MED13L: variants seen among roughly 807,000 people sequenced by gnomAD.
MED13L encodes the protein mediator complex subunit 13L, also known as mediator of RNA polymerase II transcription subunit 13-like.
MED13L carries 7 observed loss-of-function variants against 220.9 expected under a neutral mutation model. The ratio of observed to expected loss-of-function variants is 0.03; its 90% CI spans 0.02 to 0.06. MED13L has a LOEUF of 0.06. Ranked by LOEUF, MED13L falls within the 10% of genes least tolerant of loss-of-function variation. The pLI is 1.00. For synonymous variants in MED13L, 1,011 were observed against 1,015.2 expected (o/e 1.00, Z 0.08); for missense variants, 1,965 against 2,760.5 (o/e 0.71, Z 6.46).
chr12:116,208,592 T>C (rs1268870255), intron 2 of MED13L, among the ~76,000 whole-genome samples: 1 of 152,212 alleles, frequency 6.6e-6, no homozygotes, highest in Non-Finnish European at 1.5e-5. Context: ...ACACCTGTCA[T>C]TTCAATAACT....
chr12:116,025,779 G>A (rs1880350797), intron 4 of MED13L, among the ~76,000 whole-genome samples: 1 of 152,126 alleles, frequency 6.6e-6, no homozygotes, highest in South Asian at 2.1e-4. Context: ...GAAACAATAA[G>A]TTCTAGTATT....
At chr12:116,064,815 A>C (rs1869789791) in intron 4 of MED13L, among the ~76,000 whole-genome samples, 1 of 152,154 alleles carries the variant, frequency 6.6e-6, no homozygotes. Flanking sequence ...CCCAATCTCC[A>C]CATTGTAGAG....
At chr12:116,270,092 G>A (rs1241040464) in intron 1 of MED13L, among the ~76,000 whole-genome samples, 1 of 151,536 alleles carries the variant, frequency 6.6e-6, no homozygotes, top group Non-Finnish European at 1.5e-5. Context: ...GTTCCTAAAG[G>A]AGGATTATTA....
intron 2 of MED13L, among the ~76,000 whole-genome samples, chr12:116,195,040 C>T (rs1310306911): frequency 5.3e-5 from 8 of 152,078 alleles, no homozygotes; most frequent in Non-Finnish European, 8.8e-5. Context: ...GGACTGAGGC[C>T]GAAATTGGGC....
At chr12:116,100,738 T>A (rs1873004788) in intron 3 of MED13L, among the ~76,000 whole-genome samples, 1 of 151,652 alleles carries the variant, frequency 6.6e-6, no homozygotes, top group Admixed American at 6.6e-5. Context: ...GAACCCTGTA[T>A]CTACAAAAAA....
intron 14 of MED13L, among the ~76,000 whole-genome samples, chr12:115,999,460 T>C (rs1474859535): frequency 6.6e-6 from 1 of 152,052 alleles, no homozygotes; most frequent in African/African-American, 2.4e-5. Flanking sequence ...CTATTCCTCC[T>C]CTCAAGCCGA....
chr12:116,255,329 C>T (rs1010034862), intron 1 of MED13L, among the ~76,000 whole-genome samples: 1 of 152,124 alleles, frequency 6.6e-6, no homozygotes, highest in Non-Finnish European at 1.5e-5. Context: ...GTATGCAAAA[C>T]AAAACCAGAA....
chr12:116,004,479 G>A (rs1878926788), intron 13 of MED13L, among the ~76,000 whole-genome samples: 2 of 151,538 alleles, frequency 1.3e-5, no homozygotes, highest in Non-Finnish European at 2.9e-5. Context: ...ATATCAGACT[G>A]GAAAAAAAAA....
chr12:116,020,044 G>T, intron 5 of MED13L, 72 bp from the exon 6 acceptor site: 1 of 1,355,108 alleles, frequency 7.4e-7, no homozygotes, highest in Non-Finnish European at 1.0e-6. Flanking sequence ...CACTACATAT[G>T]TGGTAATTTT....
intron 2 of MED13L, among the ~76,000 whole-genome samples, chr12:116,145,141 C>G (rs1045361586): frequency 6.6e-6 from 1 of 152,172 alleles, no homozygotes; most frequent in Non-Finnish European, 1.5e-5. Flanking sequence ...AACAGGGTAG[C>G]GAAACTTCCA....
At chr12:116,088,265 G>A (rs1394855274) in intron 4 of MED13L, among the ~76,000 whole-genome samples, 4 of 152,272 alleles carry the variant, frequency 2.6e-5, no homozygotes, top group African/African-American at 9.6e-5. Flanking sequence ...CCAGAGGACT[G>A]AGTTAAAGAG....
intron 7 of MED13L, among the ~76,000 whole-genome samples, chr12:116,017,005 C>CT (rs1285060143): frequency 6.6e-6 from 1 of 152,178 alleles, no homozygotes; most frequent in East Asian, 1.9e-4. Flanking sequence ...GGGATACTCT[C>CT]TGATACAGCA....
chr12:116,269,623 C>T (rs974541458), intron 1 of MED13L, among the ~76,000 whole-genome samples: 1 of 152,156 alleles, frequency 6.6e-6, no homozygotes, highest in African/African-American at 2.4e-5. Context: ...GCCCACTGCA[C>T]TCCAGCCTTA....
At chr12:116,064,946 A>G (rs900830419) in intron 4 of MED13L, among the ~76,000 whole-genome samples, 2 of 152,214 alleles carry the variant, frequency 1.3e-5, no homozygotes, top group Admixed American at 6.5e-5. Context: ...ATATGTGTCT[A>G]TATGTATATA....
At chr12:115,972,342 C>T in intron 25 of MED13L, 106 bp from the exon 26 acceptor site, 3 of 1,371,992 alleles carry the variant, frequency 2.2e-6, no homozygotes, top group South Asian at 2.4e-5. Flanking sequence ...CAAGGTTGGG[C>T]CCTAAAGGGA....
At chr12:116,240,740 T>C (rs1870553497) in intron 1 of MED13L, among the ~76,000 whole-genome samples, 1 of 151,016 alleles carries the variant, frequency 6.6e-6, no homozygotes, top group Admixed American at 6.6e-5. Context: ...GGGGTTTCAC[T>C]GTGGTCTCGA....
chr12:116,146,925 C>T (rs978633858), intron 2 of MED13L, among the ~76,000 whole-genome samples: 2 of 151,816 alleles, frequency 1.3e-5, no homozygotes, highest in Non-Finnish European at 2.9e-5. Flanking sequence ...AGCCTCAACT[C>T]ATCATGAAGA....
intron 2 of MED13L, among the ~76,000 whole-genome samples, chr12:116,220,043 G>A (rs748627776): frequency 4.0e-5 from 6 of 151,864 alleles, no homozygotes; most frequent in African/African-American, 7.3e-5. Context: ...GATCCACCCC[G>A]CCTCAGCCTC....
At chr12:116,066,178 C>G (rs1250326069) in intron 4 of MED13L, among the ~76,000 whole-genome samples, 1 of 152,134 alleles carries the variant, frequency 6.6e-6, no homozygotes, top group Non-Finnish European at 1.5e-5. Flanking sequence ...GACTGAGGAG[C>G]AGCTACAGTG....
Sources: gnomAD v4.1 joint callset for allele counts (sites outside exome capture counted in the v4.1 genomes callset) on GRCh38, gnomAD v4.1.1 for gene constraint, MANE v1.5 for transcripts, NCBI Gene and HGNC (gene_info 2026-07-23, HGNC 2026-07-21) for gene names.